The following QPCTL variants were observed in gnomAD, a reference collection of about 807,000 sequenced individuals.
The protein encoded by QPCTL is glutaminyl-peptide cyclotransferase like.
A neutral mutation model predicts 34.6 loss-of-function variants in QPCTL; 31 were observed. The observed-to-expected ratio is 0.90, with a 90% CI of 0.67 to 1.21. The LOEUF is 1.21. Ranked by LOEUF, QPCTL falls within the 50% of genes most tolerant of loss-of-function variation. QPCTL has a pLI of 0.00. For missense variants in QPCTL, 474 were observed against 507.8 expected, an observed-to-expected ratio of 0.93 and a Z score of 0.64; for synonymous variants, 223 against 226.9, an observed-to-expected ratio of 0.98 and a Z score of 0.15.
At chr19:45,700,524 C>T (rs1250862820) in intron 5 of QPCTL, among the ~76,000 whole-genome samples, 1 of 152,096 alleles carries the variant, frequency 6.6e-6, no homozygotes, top group African/African-American at 2.4e-5. Context: ...ACCTCCCTAG[C>T]CTTTCTAAGG....
At chr19:45,695,082 C>T (rs1187019417) in intron 2 of QPCTL, among the ~76,000 whole-genome samples, 7 of 151,886 alleles carry the variant, frequency 4.6e-5, no homozygotes, top group East Asian at 2.0e-4. Context: ...GTCAGGAGTT[C>T]GAATACCAGG....
chr19:45,698,255 A>C (rs2146128868), intron 3 of QPCTL, among the ~76,000 whole-genome samples: 1 of 151,684 alleles, frequency 6.6e-6, no homozygotes, highest in Middle Eastern at 3.4e-3. Flanking sequence ...TTCTAAAAAA[A>C]ACAAAAAACA....
chr19:45,703,329 A>T lies in QPCTL; in HGVS notation c.*280A>T. ...TGGTCCAAAGGTTTGCAGGGACCAA[A>T]TACTGTTCTTTTTTTTTTTGAGACG... On this transcript the variant is annotated 3_prime_UTR_variant, in exon 7 of 7. Transcript: ENST00000012049. The T allele has an allele frequency of 2.6e-6, 1 of 377,770 alleles. No homozygotes were observed. The highest frequency in any genetic ancestry group is 4.9e-6 in the Non-Finnish European group (1 of 205,682). 23.4% of individuals were successfully genotyped at this position (377,770 alleles called of 1,614,324 possible).
rs201747768 is a variant in QPCTL, at chr19:45,693,469, G to T, written c.264G>T (p.Leu88=). The part of the protein sequence containing the change: ...EARLRRVVGQ[L]DPQRLWSTYL... ...GGCTGCGGAGGGTGGTGGGACAACT[G>T]GATCCACAGCGTCTCTGGAGCACTT... is the stretch of plus-strand genomic sequence containing the variant. Residue 88 remains leucine, a synonymous_variant, in exon 2 of 7, where the codon CTG becomes CTT. Coordinates refer to ENST00000012049, the MANE Select transcript of QPCTL (RefSeq NM_017659.4). The T allele has an allele frequency of 2.5e-6, 4 of 1,613,300 alleles. No homozygotes were observed. The highest frequency in any genetic ancestry group is 3.4e-6 in the Non-Finnish European group (4 of 1,179,576).
intron 3 of QPCTL, 60 bp downstream of exon 3, chr19:45,695,778 C>T (rs1276553400): frequency 2.7e-6 from 4 of 1,485,232 alleles, no homozygotes; most frequent in Non-Finnish European, 3.6e-6. Flanking sequence ...AAGCCCCCAC[C>T]CTCCCTTGCC....
At chr19:45,699,031 C>CT (rs563977852) in intron 5 of QPCTL, 131 bp downstream of exon 5, 78,664 of 329,780 alleles carry the variant, frequency 0.24, 6,206 homozygotes, top group East Asian at 0.32. Flanking sequence ...GAGACCCCAT[C>CT]TTTTTTTTTT....
At chr19:45,695,771 C>A in intron 3 of QPCTL, 53 bp downstream of exon 3, 2 of 1,499,046 alleles carry the variant, frequency 1.3e-6, no homozygotes, top group South Asian at 1.3e-5. Context: ...TTTTCCCAAG[C>A]CCCCACCCTC....
rs540467809 is a variant in QPCTL at position 45,698,838 on chromosome 19, A to G, written c.824A>G (p.Asn275Ser). 801 of 1,613,774 alleles carry G rather than the reference A, an allele frequency of 5.0e-4. 2 individuals carry two copies. In the South Asian group the frequency reaches 7.3e-3, roughly 15 times the overall value. ...CTTCTTGATCTCCTGGGAGCCCCCA[A>G]TCCCACCTTCTACAGCCACTTCCCT... ...FMLLDLLGAP[N>S]PTFYSHFPRT... is the part of the protein sequence containing the mutation. Residue 275 changes from asparagine to serine, a missense_variant, in exon 5 of 7, where the codon AAT becomes AGT. Physicochemically the swap from Asn to Ser is conservative, Grantham distance 46 (BLOSUM62 1). Transcript: ENST00000012049.
At position 45,702,921 on chromosome 19, in the gene QPCTL, C is replaced by T. The variant is rs778455318; in HGVS notation, c.1021C>T (p.Leu341Phe). ...CACTTCAGGGGTACCCGTGCTCCAT[C>T]TCATCTCCACGCCCTTCCCTGCTGT... Reference protein sequence around the residue: ...FLRRGVPVLHLISTPFPAVWH... With the variant: ...FLRRGVPVLHFISTPFPAVWH... Residue 341 changes from leucine to phenylalanine, a missense_variant, in exon 7 of 7, where the codon CTC becomes TTC. Coordinates refer to ENST00000012049, the MANE Select transcript of QPCTL (RefSeq NM_017659.4). The T allele has an allele frequency of 7.4e-6, 12 of 1,614,156 alleles. No homozygotes were observed. Among genetic ancestry groups the T allele is most frequent in the East Asian group, 2.2e-5 (1 of 44,878 alleles).
At chr19:45,693,022 C>A in intron 1 of QPCTL, 112 bp downstream of exon 1, 3 of 1,133,018 alleles carry the variant, frequency 2.6e-6, no homozygotes, top group Non-Finnish European at 3.7e-6. Flanking sequence ...CCACCGTCTT[C>A]GTCATCTGAG....
intron 3 of QPCTL, among the ~76,000 whole-genome samples, chr19:45,697,044 T>A (rs10413338): frequency 7.9e-5 from 12 of 151,876 alleles, no homozygotes; most frequent in Admixed American, 3.3e-4. Flanking sequence ...CACTTGAAAC[T>A]GAGAGGCGGA....
chr19:45,697,069 G>A (rs148054389), intron 3 of QPCTL, among the ~76,000 whole-genome samples: 21 of 151,630 alleles, frequency 1.4e-4, no homozygotes, highest in South Asian at 8.4e-4. Flanking sequence ...GCAGTGAGCC[G>A]AGATCGCACC....
At chr19:45,699,002 C>A in intron 5 of QPCTL, 102 bp downstream of exon 5, 1 of 959,898 alleles carries the variant, frequency 1.0e-6, no homozygotes, top group Non-Finnish European at 1.6e-6. Flanking sequence ...GGCTCATCCA[C>A]CAGTCTGGGC....
intron 5 of QPCTL, 130 bp downstream of exon 5, chr19:45,699,030 TC>T (rs369970676): frequency 6.4e-5 from 31 of 483,778 alleles, no homozygotes; most frequent in Non-Finnish European, 8.0e-5. Context: ...GGAGACCCCA[TC>T]TTTTTTTTTT....
Position 45,692,823 on chromosome 19 carries a change from G to C in QPCTL, c.120G>C (p.Leu40=), listed in dbSNP as rs1252166447. Residue 40 remains leucine, a synonymous_variant, in exon 1 of 7, where the codon CTG becomes CTC. Transcript: ENST00000012049. ...LPRVRLLPLL[L]ALAVGSAFYT... ...GGGTTCGGCTCTTGCCTCTGTTGCTGGCGCTGGCCGTGGGCTCGGCGTTCT... is the reference window on the plus strand; with the variant it reads ...GGGTTCGGCTCTTGCCTCTGTTGCTCGCGCTGGCCGTGGGCTCGGCGTTCT... The C allele has an allele frequency of 5.1e-6, 8 of 1,569,362 alleles. No homozygotes were observed. The highest frequency in any genetic ancestry group is 6.9e-6 in the Non-Finnish European group (8 of 1,157,044).
At chr19:45,693,301 G>T in intron 1 of QPCTL, 112 bp from the exon 2 acceptor site, 1 of 1,351,574 alleles carries the variant, frequency 7.4e-7, no homozygotes, top group Non-Finnish European at 1.0e-6. Context: ...TGCTGGAGGC[G>T]GCAGATTAGG....
chr19:45,694,843 CT>C (rs935173733), intron 2 of QPCTL, among the ~76,000 whole-genome samples: 32 of 152,156 alleles, frequency 2.1e-4, no homozygotes, highest in African/African-American at 7.5e-4. Context: ...AGTCCCTCCC[CT>C]AAATGGTTCC....
intron 2 of QPCTL, among the ~76,000 whole-genome samples, chr19:45,694,079 G>T (rs1167399035): frequency 6.6e-6 from 1 of 152,116 alleles, no homozygotes; most frequent in African/African-American, 2.4e-5. Context: ...CTTCCAGAAA[G>T]CATGAAGAGT....
chr19:45,702,833 G>T, intron 6 of QPCTL, 71 bp from the exon 7 acceptor site: 1 of 1,590,320 alleles, frequency 6.3e-7, no homozygotes, highest in Non-Finnish European at 8.6e-7. Context: ...AGGTTACCTA[G>T]AGGTTGGGCT....
Sources: allele counts gnomAD v4.1 joint callset (sites outside exome capture counted in the v4.1 genomes callset), GRCh38; gene constraint gnomAD v4.1.1; transcripts MANE v1.5; gene names NCBI Gene and HGNC (gene_info 2026-07-23, HGNC 2026-07-21).